Variants in CLOCK observed in about 807,000 individuals in gnomAD.
CLOCK encodes clock circadian regulator, also known as circadian locomoter output cycles protein kaput.
A neutral mutation model predicts 118.4 loss-of-function variants in CLOCK; 43 were observed. The observed-to-expected ratio is 0.36, with a 90% CI of 0.28 to 0.47. CLOCK has a LOEUF of 0.47. CLOCK is among the 20% of genes least tolerant of loss of function. The pLI is 1.00. For missense variants in CLOCK, 846 were observed against 999.9 expected, an observed-to-expected ratio of 0.85 and a Z score of 2.08; for synonymous variants, 326 against 339.2, an observed-to-expected ratio of 0.96 and a Z score of 0.43.
chr4:55,500,571 T>C (rs1489748361), intron 2 of CLOCK, among the ~76,000 whole-genome samples: 1 of 151,786 alleles, frequency 6.6e-6, no homozygotes, highest in Non-Finnish European at 1.5e-5. Context: ...GGCTGGTCTC[T>C]AACTCCTGGG....
chr4:55,485,151 G>A (rs1727215437), intron 3 of CLOCK, among the ~76,000 whole-genome samples: 1 of 152,082 alleles, frequency 6.6e-6, no homozygotes, highest in Admixed American at 6.6e-5. Flanking sequence ...TTTTAGTAGA[G>A]ATGGGGTTTC....
intron 14 of CLOCK, chr4:55,453,359 A>C: frequency 2.0e-6 from 1 of 500,296 alleles, no homozygotes; most frequent in East Asian, 3.2e-5. Context: ...ACAATACTTA[A>C]ATTAAGAAAA....
chr4:55,465,928 G>A (rs1056230940), intron 8 of CLOCK, among the ~76,000 whole-genome samples: 1 of 150,788 alleles, frequency 6.6e-6, no homozygotes, highest in Non-Finnish European at 1.5e-5. Flanking sequence ...CTCAAGCCTG[G>A]GTGACAGAAT....
At chr4:55,460,072 T>C (rs552155776) in intron 9 of CLOCK, among the ~76,000 whole-genome samples, 9 of 152,350 alleles carry the variant, frequency 5.9e-5, no homozygotes, top group Admixed American at 2.0e-4. Flanking sequence ...CCATCTTCCA[T>C]ATATTCATTT....
At chr4:55,518,776 A>T (rs6847529) in intron 1 of CLOCK, among the ~76,000 whole-genome samples, 51,379 of 152,080 alleles carry the variant, frequency 0.34, 9,376 homozygotes, top group East Asian at 0.58. Context: ...TCTAGAACTG[A>T]AAACAATAAA....
At chr4:55,448,606 G>T (rs1349318662) in intron 18 of CLOCK, among the ~76,000 whole-genome samples, 173 bp downstream of exon 18, 1 of 40,802 alleles carries the variant, frequency 2.5e-5, no homozygotes, top group African/African-American at 2.3e-4. Context: ...GCGCGCGTGT[G>T]TGTGTGTGTG....
intron 2 of CLOCK, among the ~76,000 whole-genome samples, chr4:55,494,369 T>C (rs1339220226): frequency 1.3e-5 from 2 of 152,182 alleles, no homozygotes; most frequent in Admixed American, 1.3e-4. Context: ...AAAAGGACAC[T>C]GCAGATGTGA....
At chr4:55,515,480 T>C (rs1729448185) in intron 1 of CLOCK, among the ~76,000 whole-genome samples, 1 of 152,180 alleles carries the variant, frequency 6.6e-6, no homozygotes, top group Non-Finnish European at 1.5e-5. Flanking sequence ...GTTCAAGCGA[T>C]TCTCCTGCCT....
intron 15 of CLOCK, chr4:55,452,500 T>C (rs116126550): frequency 6.5e-6 from 1 of 154,104 alleles, no homozygotes; most frequent in African/African-American, 2.4e-5. Flanking sequence ...AGCTAAACTG[T>C]GCCTGGACTC....
At chr4:55,534,670 G>A (rs1730767227) in intron 1 of CLOCK, among the ~76,000 whole-genome samples, 1 of 152,128 alleles carries the variant, frequency 6.6e-6, no homozygotes, top group Non-Finnish European at 1.5e-5. Context: ...TTGTTCCCCA[G>A]CAGACAGAAT....
intron 1 of CLOCK, among the ~76,000 whole-genome samples, chr4:55,526,486 C>T (rs990580967): frequency 2.6e-5 from 4 of 152,142 alleles, no homozygotes; most frequent in Non-Finnish European, 5.9e-5. Flanking sequence ...AAGAGTCAAA[C>T]TAGAATCTAT....
intron 2 of CLOCK, among the ~76,000 whole-genome samples, chr4:55,492,479 T>C (rs1007593897): frequency 2.6e-5 from 4 of 152,162 alleles, no homozygotes; most frequent in Non-Finnish European, 5.9e-5. Context: ...GACTCAGTAA[T>C]TTCACTTTGA....
chr4:55,439,582 T>C (rs986867074), intron 21 of CLOCK, among the ~76,000 whole-genome samples: 10 of 152,152 alleles, frequency 6.6e-5, no homozygotes, highest in African/African-American at 2.2e-4. Flanking sequence ...AGCAGCATTA[T>C]TCACAGGAGC....
At position 55,433,814 on chromosome 4, in the gene CLOCK, C is replaced by T. The variant is rs1179914300; in HGVS notation, c.*1601G>A. ...TATTGCCAAAGGAAATCTTAGTTCA[C>T]GTTTAGAAGGCATGTGAGTTACAAT... is the stretch of plus-strand genomic sequence containing the variant. On this transcript the variant is annotated 3_prime_UTR_variant, in exon 23 of 23. Coordinates refer to ENST00000513440, the MANE Select transcript of CLOCK (RefSeq NM_004898.4). The T allele has an allele frequency of 2.0e-5, 3 of 152,098 alleles. No homozygotes were observed. The highest frequency in any genetic ancestry group is 6.6e-5 in the Admixed American group (1 of 15,260). 9.4% of individuals were successfully genotyped at this position (152,098 alleles called of 1,614,324 possible).
intron 8 of CLOCK, among the ~76,000 whole-genome samples, chr4:55,464,546 G>A (rs183774829): frequency 2.6e-4 from 39 of 152,284 alleles, no homozygotes; most frequent in African/African-American, 8.9e-4. Context: ...ACTGCTCTGT[G>A]GAATCCTAGG....
intron 8 of CLOCK, among the ~76,000 whole-genome samples, chr4:55,469,494 C>A (rs1383588034): frequency 6.6e-6 from 1 of 152,250 alleles, no homozygotes; most frequent in Admixed American, 6.5e-5. Flanking sequence ...TGACTCCATG[C>A]CTATTGTTTC....
intron 8 of CLOCK, among the ~76,000 whole-genome samples, chr4:55,464,590 T>C (rs1725602860): frequency 1.3e-5 from 2 of 152,106 alleles, no homozygotes; most frequent in Admixed American, 6.5e-5. Context: ...CCTGTAAAGG[T>C]AGGACTAGAG....
Position 55,428,217 on chromosome 4 carries a change from GAAT to G in CLOCK, c.*7195_*7197del, listed in dbSNP as rs1475798438. 6.6e-6 allele frequency: 1 copy of G among 152,144 alleles called. No individual in the cohort carries two copies. The highest frequency in any genetic ancestry group is 2.4e-5 in the African/African-American group (1 of 41,434). The allele number at this position is 152,144 out of a possible 1,614,324, so 9.4% of individuals were successfully genotyped here. A position where few individuals can be genotyped will look rare whatever the true frequency, so the allele number is the denominator to read the frequency against. On this transcript the variant is annotated 3_prime_UTR_variant, in exon 23 of 23. Transcript: ENST00000513440. ...TAAAAGCTATGCACATCATAACCTG[GAAT>G]AATGATTACACAGCAAGAGGCCTGA...
At chr4:55,542,368 TAATAATAA>T (rs1560489946) in intron 1 of CLOCK, among the ~76,000 whole-genome samples, 1,457 of 57,944 alleles carry the variant, frequency 0.025, 13 homozygotes, top group East Asian at 0.059. Flanking sequence ...ATAATAATAA[TAATAATAA>T]TAATATTATT....
Sources: gnomAD v4.1 joint callset for allele counts (sites outside exome capture counted in the v4.1 genomes callset) on GRCh38, gnomAD v4.1.1 for gene constraint, MANE v1.5 for transcripts, NCBI Gene and HGNC (gene_info 2026-07-23, HGNC 2026-07-21) for gene names.